The following SFMBT1 variants were observed in gnomAD, a reference collection of about 807,000 sequenced individuals.
SFMBT1 encodes scm-like with four MBT domains protein 1.
In SFMBT1, 32 loss-of-function variants were observed where a neutral mutation model predicts 108.7. The ratio of observed to expected loss-of-function variants is 0.29; its 90% CI spans 0.22 to 0.40. The LOEUF (loss-of-function observed/expected upper bound fraction) is 0.40. SFMBT1 is among the 10% of genes least tolerant of loss of function. The pLI, the probability that SFMBT1 is intolerant of heterozygous loss-of-function variation, is 1.00. For synonymous variants in SFMBT1, 348 were observed against 369.5 expected (o/e 0.94, Z 0.67); for missense variants, 816 against 1,059.6 (o/e 0.77, Z 3.19).
chr3:52,939,790 A>T (rs1703126709), intron 4 of SFMBT1, among the ~76,000 whole-genome samples: 1 of 151,892 alleles, frequency 6.6e-6, no homozygotes, highest in Non-Finnish European at 1.5e-5. Flanking sequence ...TTCAGATAGT[A>T]TCCATGGTGC....
intron 4 of SFMBT1, 22 bp from the exon 5 acceptor site, chr3:52,934,923 T>C: frequency 6.3e-7 from 1 of 1,596,742 alleles, no homozygotes; most frequent in Non-Finnish European, 8.6e-7. Flanking sequence ...AATAAATGAC[T>C]GATTACTCAA....
At chr3:53,002,959 T>C (rs1185565094) in intron 1 of SFMBT1, among the ~76,000 whole-genome samples, 2 of 149,076 alleles carry the variant, frequency 1.3e-5, no homozygotes, top group African/African-American at 4.9e-5. Flanking sequence ...CTGTCACTAC[T>C]CAAAATATAA....
At chr3:52,979,022 T>C (rs1463830514) in intron 1 of SFMBT1, among the ~76,000 whole-genome samples, 1 of 152,122 alleles carries the variant, frequency 6.6e-6, no homozygotes, top group Non-Finnish European at 1.5e-5. Context: ...CATTCTAATA[T>C]TAGACTGTGG....
chr3:52,981,763 G>A (rs1158880481), intron 1 of SFMBT1, among the ~76,000 whole-genome samples: 1 of 152,062 alleles, frequency 6.6e-6, no homozygotes, highest in African/African-American at 2.4e-5. Context: ...GGAGAAGAAA[G>A]TACCCGGATT....
intron 2 of SFMBT1, among the ~76,000 whole-genome samples, chr3:52,955,430 T>TAA (rs1429322117): frequency 6.7e-6 from 1 of 149,162 alleles, no homozygotes; most frequent in Non-Finnish European, 1.5e-5. Flanking sequence ...AATAAATAAA[T>TAA]AAATAAATAA....
chr3:52,943,369 G>T lies in SFMBT1; in HGVS notation c.348C>A (p.Thr116=). Reference sequence around the variant, plus strand: ...TTTCATTACCTTCTGGGGCTTCAAGGGTCTTCTTATTCTGCTCACACCACC... The same window carrying T: ...TTTCATTACCTTCTGGGGCTTCAAGTGTCTTCTTATTCTGCTCACACCACC... ...PIGWCEQNKK[T]LEAPEGIRDK... Residue 116 remains threonine (T), a synonymous_variant, in exon 4 of 21, where the codon ACC becomes ACA. Transcript: ENST00000394752. The T allele has an allele frequency of 1.2e-6, 2 of 1,614,134 alleles. No individual in the cohort carries two copies. The highest frequency in any genetic ancestry group is 1.7e-6 in the Non-Finnish European group (2 of 1,180,012).
At chr3:52,973,120 G>A (rs1704406057) in intron 1 of SFMBT1, among the ~76,000 whole-genome samples, 1 of 152,178 alleles carries the variant, frequency 6.6e-6, no homozygotes, top group Non-Finnish European at 1.5e-5. Flanking sequence ...GGAAGCCTGA[G>A]GCGGAAGGAT....
chr3:52,970,725 C>T (rs1255002428), intron 1 of SFMBT1, among the ~76,000 whole-genome samples: 1 of 152,174 alleles, frequency 6.6e-6, no homozygotes, highest in Non-Finnish European at 1.5e-5. Flanking sequence ...TTAGAGCCCC[C>T]AGTAAATGAT....
chr3:52,941,082 T>C (rs1703165922), intron 4 of SFMBT1, among the ~76,000 whole-genome samples: 1 of 152,190 alleles, frequency 6.6e-6, no homozygotes, highest in Admixed American at 6.5e-5. Flanking sequence ...AAATGCAATG[T>C]GATTCTAGAC....
At chr3:52,919,053 T>C (rs6762260) in intron 12 of SFMBT1, among the ~76,000 whole-genome samples, 17,140 of 152,092 alleles carry the variant, frequency 0.11, 1,004 homozygotes, top group Non-Finnish European at 0.13. Context: ...TGACAGGAGG[T>C]GGAGCTCAGG....
At chr3:52,979,515 G>T (rs961866458) in intron 1 of SFMBT1, among the ~76,000 whole-genome samples, 1 of 152,062 alleles carries the variant, frequency 6.6e-6, no homozygotes, top group Non-Finnish European at 1.5e-5. Flanking sequence ...GGTTTTCATG[G>T]GACAGACCTA....
Position 53,005,572 on chromosome 3 carries a change from G to A in SFMBT1, c.-130-36314C>T, listed in dbSNP as rs115510335. ...AATGATCCTCCCACCTTGGCCTTCC[G>A]AAGTGTTGGGATTACAGGCAGGAGC... On this transcript the variant is annotated intron_variant, in intron 1 of 20. Transcript: ENST00000394752. Among the ~76,000 whole-genome samples, 1,317 of 152,254 alleles carry A rather than the reference G, an allele frequency of 8.7e-3. 22 individuals carry two copies. The highest frequency in any genetic ancestry group is 0.029 in the African/African-American group (1,224 of 41,552).
At chr3:52,972,270 T>C (rs1368338172) in intron 1 of SFMBT1, among the ~76,000 whole-genome samples, 3 of 152,204 alleles carry the variant, frequency 2.0e-5, no homozygotes, top group African/African-American at 7.2e-5. Context: ...ATGCAAGTCT[T>C]ACGTAGCAGA....
At chr3:52,937,259 G>C (rs974043562) in intron 4 of SFMBT1, among the ~76,000 whole-genome samples, 1 of 152,022 alleles carries the variant, frequency 6.6e-6, no homozygotes, top group African/African-American at 2.4e-5. Context: ...TTTTTTCTTT[G>C]CATTTTTTTT....
chr3:52,955,521 T>A (rs1703750434), intron 2 of SFMBT1, among the ~76,000 whole-genome samples: 1 of 151,440 alleles, frequency 6.6e-6, no homozygotes, highest in African/African-American at 2.4e-5. Flanking sequence ...ATAAAGGAGA[T>A]ATCACCACCA....
chr3:53,007,924 A>T (rs565549090), intron 1 of SFMBT1, among the ~76,000 whole-genome samples: 3 of 152,330 alleles, frequency 2.0e-5, no homozygotes, highest in African/African-American at 7.2e-5. Flanking sequence ...GACAAACCCA[A>T]ATTGAAGGAC....
At chr3:52,912,513 G>T in intron 16 of SFMBT1, 25 bp downstream of exon 16, 1 of 1,577,808 alleles carries the variant, frequency 6.3e-7, no homozygotes, top group South Asian at 1.1e-5. Flanking sequence ...TAAAAGTAAA[G>T]AGTAAAAACA....
intron 2 of SFMBT1, among the ~76,000 whole-genome samples, chr3:52,964,942 A>C (rs1372205535): frequency 6.6e-6 from 1 of 152,202 alleles, no homozygotes; most frequent in East Asian, 1.9e-4. Context: ...GGAAAAATCA[A>C]CTTCTGAAAT....
intron 1 of SFMBT1, among the ~76,000 whole-genome samples, chr3:53,044,443 C>G (rs1700147666): frequency 7.2e-6 from 1 of 139,858 alleles, no homozygotes; most frequent in African/African-American, 2.6e-5. Context: ...TCTACCAGGC[C>G]GTAACTTTTC....
Sources: gnomAD v4.1 joint callset for allele counts (sites outside exome capture counted in the v4.1 genomes callset) on GRCh38, gnomAD v4.1.1 for gene constraint, MANE v1.5 for transcripts, NCBI Gene and HGNC (gene_info 2026-07-23, HGNC 2026-07-21) for gene names.